The following UNC5D variants were observed in gnomAD, a reference collection of about 807,000 sequenced individuals.
UNC5D encodes the protein unc-5 netrin receptor D, also known as netrin receptor UNC5D.
Under a neutral mutation model 105.4 loss-of-function variants are expected in UNC5D, and 39 were observed. The observed-to-expected ratio is 0.37, with a 90% CI of 0.29 to 0.48. The LOEUF is 0.48. Among genes scored for constraint, UNC5D ranks in the 20% least tolerant of loss-of-function variants. UNC5D has a pLI of 0.98. For missense variants in UNC5D, 991 were observed against 1,202.4 expected (o/e 0.82, Z 2.60); for synonymous variants, 452 against 450.4 (o/e 1.00, Z -0.04).
At chr8:35,446,175 C>T (rs537833656) in intron 1 of UNC5D, among the ~76,000 whole-genome samples, 4 of 151,730 alleles carry the variant, frequency 2.6e-5, no homozygotes, top group Admixed American at 6.6e-5. Flanking sequence ...ACTTTCCCCC[C>T]GAGTCCTCAA....
chr8:35,722,048 G>A (rs1018220177), intron 8 of UNC5D, among the ~76,000 whole-genome samples, 162 bp from the exon 9 acceptor site: 13 of 152,178 alleles, frequency 8.5e-5, no homozygotes, highest in East Asian at 5.8e-4. Flanking sequence ...TTAGAAACAC[G>A]ATTACTGTGT....
At chr8:35,711,031 C>T (rs527468703) in intron 8 of UNC5D, among the ~76,000 whole-genome samples, 31 of 132,436 alleles carry the variant, frequency 2.3e-4, no homozygotes, top group East Asian at 1.4e-3. Flanking sequence ...CTCTGCCTCC[C>T]GGGTTCACGC....
chr8:35,724,121 C>A, intron 9 of UNC5D: 1 of 1,405,074 alleles, frequency 7.1e-7, no homozygotes, highest in Non-Finnish European at 9.3e-7. Flanking sequence ...GGGTGGATCC[C>A]TGGCCTACAC....
intron 1 of UNC5D, among the ~76,000 whole-genome samples, chr8:35,472,644 A>G (rs576696669): frequency 6.6e-6 from 1 of 152,332 alleles, no homozygotes; most frequent in East Asian, 1.9e-4. Flanking sequence ...ATCACCATAA[A>G]GCCCCAAGGA....
At chr8:35,339,736 T>A (rs1811322043) in intron 1 of UNC5D, among the ~76,000 whole-genome samples, 1 of 152,118 alleles carries the variant, frequency 6.6e-6, no homozygotes, top group Admixed American at 6.5e-5. Context: ...GAGACAGAGT[T>A]GTTTGGAGGA....
chr8:35,760,988 C>A (rs886565569), intron 14 of UNC5D, among the ~76,000 whole-genome samples: 1 of 152,130 alleles, frequency 6.6e-6, no homozygotes, highest in Non-Finnish European at 1.5e-5. Context: ...CCCGTCTGTA[C>A]AGTTTAGTGC....
intron 2 of UNC5D, among the ~76,000 whole-genome samples, chr8:35,555,834 C>CA (rs201702783): frequency 0.28 from 29,973 of 107,912 alleles, 5,591 homozygotes; most frequent in African/African-American, 0.52. Flanking sequence ...CAAAAAAATA[C>CA]AAAAAAAAAA....
intron 1 of UNC5D, among the ~76,000 whole-genome samples, chr8:35,529,603 G>T: frequency 9.7e-6 from 1 of 103,166 alleles, no homozygotes; most frequent in Admixed American, 1.1e-4. Context: ...TTGGTAGCTT[G>T]ATGGGGATGG....
At chr8:35,479,823 C>T (rs548608168) in intron 1 of UNC5D, among the ~76,000 whole-genome samples, 1 of 152,270 alleles carries the variant, frequency 6.6e-6, no homozygotes, top group Admixed American at 6.5e-5. Context: ...CTATCAGGTA[C>T]CATGTTCACT....
rs1181780562 is a variant in UNC5D, at chr8:35,774,352, A to G, written c.2532A>G (p.Ala844=). 8 of 1,614,128 alleles carry G rather than the reference A, an allele frequency of 5.0e-6. No individual in the cohort carries two copies. The highest frequency in any genetic ancestry group is 6.8e-6 in the Non-Finnish European group (8 of 1,180,006). The change falls in exon 16 of 17, where the codon GCA becomes GCG. Residue 844 remains alanine (A), a synonymous_variant. Coordinates refer to ENST00000404895, the MANE Select transcript of UNC5D (RefSeq NM_080872.4). The part of the protein sequence containing the change: ...FFAQEDSTFP[A]QTGPKAFKIP... ...CACAAGAGGACAGCACTTTCCCTGCACAGACTGGCCCCAAAGCCTTCAAAA... is the reference window on the plus strand; with the variant it reads ...CACAAGAGGACAGCACTTTCCCTGCGCAGACTGGCCCCAAAGCCTTCAAAA...
chr8:35,708,688 G>A (rs951172888), intron 8 of UNC5D, among the ~76,000 whole-genome samples: 2 of 152,142 alleles, frequency 1.3e-5, no homozygotes, highest in East Asian at 1.9e-4. Context: ...CTGAAGGGGT[G>A]AAAAGGATTT....
intron 1 of UNC5D, among the ~76,000 whole-genome samples, chr8:35,508,918 A>G (rs1206299613): frequency 6.6e-6 from 1 of 152,220 alleles, no homozygotes; most frequent in Non-Finnish European, 1.5e-5. Flanking sequence ...CTCAGGTTTG[A>G]TTTAGTGAGC....
intron 1 of UNC5D, among the ~76,000 whole-genome samples, chr8:35,545,883 G>C (rs555649931): frequency 2.0e-5 from 3 of 151,474 alleles, no homozygotes; most frequent in Non-Finnish European, 4.4e-5. Flanking sequence ...AACGTTAACT[G>C]ATTCTTTTTT....
intron 4 of UNC5D, among the ~76,000 whole-genome samples, chr8:35,620,322 G>A (rs1821286294): frequency 6.6e-6 from 1 of 152,190 alleles, no homozygotes; most frequent in African/African-American, 2.4e-5. Flanking sequence ...ACTGAAGCCT[G>A]TGTTAAAGGC....
chr8:35,601,097 A>G (rs1819847203), intron 4 of UNC5D, among the ~76,000 whole-genome samples: 3 of 152,222 alleles, frequency 2.0e-5, no homozygotes, highest in South Asian at 4.2e-4. Context: ...TTTGTCAAAG[A>G]TCAGATAGTT....
At chr8:35,432,477 A>G (rs888203469) in intron 1 of UNC5D, among the ~76,000 whole-genome samples, 3 of 152,166 alleles carry the variant, frequency 2.0e-5, no homozygotes, top group African/African-American at 7.2e-5. Flanking sequence ...AAAGCCCCAC[A>G]TCCACTTCAC....
At chr8:35,756,816 C>T (rs1297545512) in intron 13 of UNC5D, among the ~76,000 whole-genome samples, 1 of 152,136 alleles carries the variant, frequency 6.6e-6, no homozygotes, top group African/African-American at 2.4e-5. Flanking sequence ...TCTAGTACTA[C>T]ACTAAATAAC....
intron 1 of UNC5D, among the ~76,000 whole-genome samples, chr8:35,422,293 T>A (rs1805964770): frequency 6.6e-6 from 1 of 152,196 alleles, no homozygotes; most frequent in African/African-American, 2.4e-5. Context: ...GTGTCATGCT[T>A]AGAAAGAGGT....
intron 3 of UNC5D, among the ~76,000 whole-genome samples, chr8:35,590,453 A>G (rs1464732040): frequency 1.3e-5 from 2 of 152,096 alleles, no homozygotes; most frequent in East Asian, 1.9e-4. Flanking sequence ...TTTTTCTCCA[A>G]AAGGGCAACT....
Sources: allele counts gnomAD v4.1 joint callset (sites outside exome capture counted in the v4.1 genomes callset), GRCh38; gene constraint gnomAD v4.1.1; transcripts MANE v1.5; gene names NCBI Gene and HGNC (gene_info 2026-07-23, HGNC 2026-07-21).